Variants in MOB3B observed in about 807,000 individuals in gnomAD.
MOB3B encodes MOB kinase activator-like 2B.
In MOB3B, 7 loss-of-function variants were observed where a neutral mutation model predicts 18.7. The ratio of observed to expected loss-of-function variants is 0.37; its 90% CI spans 0.21 to 0.70. The LOEUF is 0.70. Ranked by LOEUF, MOB3B falls within the 30% of genes least tolerant of loss-of-function variation. The probability of loss-of-function intolerance (pLI) is 0.52; values close to 1 mark genes in which losing one functional copy is unlikely to be tolerated. For synonymous variants in MOB3B, 111 were observed against 99.9 expected, an observed-to-expected ratio of 1.11 and a Z score of -0.66; for missense variants, 253 against 281.3, an observed-to-expected ratio of 0.90 and a Z score of 0.72.
intron 2 of MOB3B, among the ~76,000 whole-genome samples, chr9:27,406,558 G>T (rs1042012480): frequency 2.0e-5 from 3 of 152,178 alleles, no homozygotes; most frequent in African/African-American, 7.2e-5. Context: ...CAATGCAACA[G>T]AATAGATAAT....
At chr9:27,452,595 T>C (rs1822806329) in intron 2 of MOB3B, among the ~76,000 whole-genome samples, 1 of 152,184 alleles carries the variant, frequency 6.6e-6, no homozygotes, top group African/African-American at 2.4e-5. Flanking sequence ...GGATCTGACA[T>C]ATTTCTCAAA....
chr9:27,440,860 C>T (rs1422684714), intron 2 of MOB3B, among the ~76,000 whole-genome samples: 4 of 152,100 alleles, frequency 2.6e-5, no homozygotes, highest in African/African-American at 4.8e-5. Flanking sequence ...CATAAAGCAG[C>T]GGTCCTCAAC....
intron 2 of MOB3B, among the ~76,000 whole-genome samples, chr9:27,409,893 A>C (rs1042076685): frequency 6.6e-6 from 1 of 151,502 alleles, no homozygotes; most frequent in Non-Finnish European, 1.5e-5. Flanking sequence ...AGAGACAGAA[A>C]GTGGAATAGA....
chr9:27,442,848 T>A lies in MOB3B; in HGVS notation c.418+12285A>T, dbSNP rs557703284. 3.9e-5 allele frequency among the ~76,000 whole-genome samples: 6 copies of A among 152,346 alleles called. No individual in the cohort carries two copies. The South Asian group carries it at 1.2e-3, about 32-fold the overall frequency. ...GGGGCCTGTTTTCCTGACTGAAATG[T>A]AAGTTCCATGAGGTCTGGGCCTGTC... On this transcript the variant is annotated intron_variant, in intron 2 of 3. Coordinates refer to ENST00000262244, the MANE Select transcript of MOB3B (RefSeq NM_024761.5).
intron 1 of MOB3B, among the ~76,000 whole-genome samples, chr9:27,486,981 A>G (rs1253922791): frequency 6.6e-6 from 1 of 151,936 alleles, no homozygotes; most frequent in Non-Finnish European, 1.5e-5. Flanking sequence ...AAATACAAAA[A>G]TTAGCTGGGT....
rs77561941 is a variant in MOB3B, at chr9:27,335,314, G to A, written c.622-4698C>T. The stretch of plus-strand genomic sequence containing the variant: ...TCACCTACTCCAACACTTTAATTTC[G>A]GAGATGTGGCAACTCAGACCATCGG... On this transcript the variant is annotated intron_variant, in intron 3 of 3. Transcript: ENST00000262244. Among the ~76,000 whole-genome samples, 551 of 152,270 alleles carry A rather than the reference G, an allele frequency of 3.6e-3. 7 individuals carry two copies. Among genetic ancestry groups the A allele is most frequent in the Middle Eastern group, 6.8e-3 (2 of 294 alleles).
At chr9:27,496,714 G>C (rs1356132418) in intron 1 of MOB3B, among the ~76,000 whole-genome samples, 3 of 152,158 alleles carry the variant, frequency 2.0e-5, no homozygotes, top group African/African-American at 7.2e-5. Context: ...ATTAGTCTTT[G>C]TCAGTAAAGG....
At chr9:27,399,002 G>A (rs534955310) in intron 2 of MOB3B, among the ~76,000 whole-genome samples, 9 of 151,900 alleles carry the variant, frequency 5.9e-5, no homozygotes, top group African/African-American at 2.2e-4. Context: ...CTGGGGGCAG[G>A]GGGGTGGGAA....
At chr9:27,428,682 G>T (rs1822373445) in intron 2 of MOB3B, among the ~76,000 whole-genome samples, 1 of 152,238 alleles carries the variant, frequency 6.6e-6, no homozygotes, top group Non-Finnish European at 1.5e-5. Context: ...GGTGATAGCT[G>T]CAGGGCATAT....
At chr9:27,340,340 A>G (rs1343844574) in intron 3 of MOB3B, among the ~76,000 whole-genome samples, 1 of 152,224 alleles carries the variant, frequency 6.6e-6, no homozygotes, top group Non-Finnish European at 1.5e-5. Context: ...TTCTTTTTCC[A>G]AACCCTGCAA....
chr9:27,440,603 A>G (rs1375515973), intron 2 of MOB3B, among the ~76,000 whole-genome samples: 2 of 152,226 alleles, frequency 1.3e-5, no homozygotes, highest in African/African-American at 2.4e-5. Context: ...TGGCACAATA[A>G]TTATAAAATA....
intron 2 of MOB3B, 144 bp from the exon 3 acceptor site, chr9:27,359,380 G>T (rs13301919): frequency 0.19 from 88,662 of 460,326 alleles, 9,821 homozygotes; most frequent in African/African-American, 0.26. Context: ...TGTGTGTGTG[G>T]GGGGGGGGGG....
At chr9:27,414,876 AT>A (rs1002180690) in intron 2 of MOB3B, among the ~76,000 whole-genome samples, 33 of 149,074 alleles carry the variant, frequency 2.2e-4, no homozygotes, top group Middle Eastern at 3.4e-3. Context: ...TTATTTTTTA[AT>A]TTTTTTTTTT....
Position 27,455,355 on chromosome 9 carries a change from C to A in MOB3B, c.196G>T (p.Asp66Tyr), listed in dbSNP as rs1822854030. The stretch of plus-strand genomic sequence containing the variant: ...ATGAGGTTGATCCGATTGAAGAAGT[C>A]CACCACATGTACTGCCACCCAGTCA... ...QNDWVAVHVV[D>Y]FFNRINLIYG... is the part of the protein sequence containing the mutation. The change falls in exon 2 of 4, where the codon GAC becomes TAC. Residue 66 changes from aspartate (D) to tyrosine (Y), a missense_variant. Asp to Tyr is a radical substitution (Grantham distance 160, BLOSUM62 -3). Transcript: ENST00000262244. The A allele has an allele frequency of 6.2e-7, 1 of 1,614,054 alleles. No individual in the cohort carries two copies. Among genetic ancestry groups the A allele is most frequent in the African/African-American group, 1.3e-5 (1 of 74,912 alleles).
chr9:27,369,525 G>A (rs756435841), intron 2 of MOB3B, among the ~76,000 whole-genome samples: 4 of 152,172 alleles, frequency 2.6e-5, no homozygotes, highest in Admixed American at 1.3e-4. Flanking sequence ...ATCTAACCAG[G>A]AAGCCTGTTT....
chr9:27,357,921 A>AAAAAAAAAAAAAAAAAAAC (rs1821217728), intron 3 of MOB3B, among the ~76,000 whole-genome samples: 1 of 132,502 alleles, frequency 7.5e-6, no homozygotes, highest in Non-Finnish European at 1.6e-5. Context: ...AAAAAAAAAA[A>AAAAAAAAAAAAAAAAAAAC]TAGCCATGCC....
At chr9:27,420,103 C>CG (rs1285949594) in intron 2 of MOB3B, among the ~76,000 whole-genome samples, 2 of 151,890 alleles carry the variant, frequency 1.3e-5, no homozygotes, top group East Asian at 3.9e-4. Context: ...AACCACAATG[C>CG]AATACCACCT....
At chr9:27,518,310 T>G (rs2131505589) in intron 1 of MOB3B, among the ~76,000 whole-genome samples, 1 of 152,312 alleles carries the variant, frequency 6.6e-6, no homozygotes. Context: ...CTCTTGGATG[T>G]GATCTAGGAA....
At chr9:27,500,902 G>A (rs1207266203) in intron 1 of MOB3B, among the ~76,000 whole-genome samples, 1 of 151,612 alleles carries the variant, frequency 6.6e-6, no homozygotes, top group African/African-American at 2.4e-5. Context: ...AAATTTACAA[G>A]AAAAAAACAA....
Sources: gnomAD v4.1 joint callset for allele counts (sites outside exome capture counted in the v4.1 genomes callset) on GRCh38, gnomAD v4.1.1 for gene constraint, MANE v1.5 for transcripts, NCBI Gene and HGNC (gene_info 2026-07-23, HGNC 2026-07-21) for gene names.